The following CHMP2B variants were observed in gnomAD, a reference collection of about 807,000 sequenced individuals.
The protein encoded by CHMP2B is VPS2 homolog B.
In CHMP2B, 22 loss-of-function variants were observed where a neutral mutation model predicts 29.8. The ratio of observed to expected loss-of-function variants is 0.74; its 90% CI spans 0.53 to 1.05. The LOEUF is 1.05. CHMP2B is among the 50% of genes least tolerant of loss of function. CHMP2B has a pLI of 0.00. For missense variants in CHMP2B, 261 were observed against 252.2 expected (o/e 1.03, Z -0.24); for synonymous variants, 78 against 75.8 (o/e 1.03, Z -0.15).
intron 1 of CHMP2B, among the ~76,000 whole-genome samples, chr3:87,236,465 G>A (rs1706013455): frequency 6.6e-6 from 1 of 152,100 alleles, no homozygotes; most frequent in Admixed American, 6.5e-5. Flanking sequence ...ACTTTCAGCA[G>A]TTGCTGTGCA....
chr3:87,251,281 G>GT (rs1706309725), intron 4 of CHMP2B, among the ~76,000 whole-genome samples: 1 of 151,866 alleles, frequency 6.6e-6, no homozygotes, highest in Non-Finnish European at 1.5e-5. Flanking sequence ...AAAACTATGA[G>GT]TTTTTTCAGG....
chr3:87,247,499 G>C (rs1484191705), intron 3 of CHMP2B, among the ~76,000 whole-genome samples: 2 of 152,156 alleles, frequency 1.3e-5, no homozygotes, highest in Non-Finnish European at 2.9e-5. Flanking sequence ...GTAAACTATG[G>C]AAAGGACACT....
At position 87,248,255 on chromosome 3, in the gene CHMP2B, G is replaced by A. The variant is rs551820275; in HGVS notation, c.322-1620G>A. On this transcript the variant is annotated intron_variant, in intron 3 of 5. Transcript: ENST00000263780. ...AGAGGTTGCAGTGAGCTGAGATCAC[G>A]CCACTGCACTCCAGCCTGGGTGACA... 7.9e-5 allele frequency among the ~76,000 whole-genome samples: 12 copies of A among 151,760 alleles called. No homozygotes were observed. The South Asian group carries it at 2.5e-3, about 32-fold the overall frequency.
At chr3:87,246,802 A>G (rs979675973) in intron 3 of CHMP2B, among the ~76,000 whole-genome samples, 1 of 152,214 alleles carries the variant, frequency 6.6e-6, no homozygotes, top group African/African-American at 2.4e-5. Flanking sequence ...AGTCATCAAA[A>G]GAGGTTAAGA....
intron 4 of CHMP2B, among the ~76,000 whole-genome samples, chr3:87,251,904 A>G (rs1706319538): frequency 6.6e-6 from 1 of 150,868 alleles, no homozygotes; most frequent in Non-Finnish European, 1.5e-5. Context: ...CATGACCTGG[A>G]CTTTGCATCT....
At chr3:87,242,741 A>T (rs1360310486) in intron 2 of CHMP2B, among the ~76,000 whole-genome samples, 1 of 152,114 alleles carries the variant, frequency 6.6e-6, no homozygotes, top group Non-Finnish European at 1.5e-5. Context: ...TCTTTGTGGA[A>T]AATCAGTTGT....
intron 4 of CHMP2B, among the ~76,000 whole-genome samples, chr3:87,250,831 G>C (rs1160764667): frequency 6.6e-6 from 1 of 151,754 alleles, no homozygotes; most frequent in East Asian, 1.9e-4. Flanking sequence ...TTATAAGGCT[G>C]TTGGTTTGTA....
intron 2 of CHMP2B, among the ~76,000 whole-genome samples, chr3:87,245,485 C>T (rs1706194440): frequency 6.7e-6 from 1 of 148,150 alleles, no homozygotes; most frequent in Non-Finnish European, 1.5e-5. Context: ...TGTAGACTTG[C>T]TTTGTATTCA....
intron 4 of CHMP2B, among the ~76,000 whole-genome samples, chr3:87,251,074 C>A (rs2106914256): frequency 6.6e-6 from 1 of 151,944 alleles, no homozygotes; most frequent in East Asian, 1.9e-4. Flanking sequence ...TGCTTATCTG[C>A]TATCATTTTA....
At chr3:87,249,491 A>G (rs529257301) in intron 3 of CHMP2B, among the ~76,000 whole-genome samples, 10 of 152,208 alleles carry the variant, frequency 6.6e-5, no homozygotes, top group East Asian at 3.9e-4. Flanking sequence ...TAATTTAGAC[A>G]TTAAAATTTT....
chr3:87,238,493 T>C (rs1706055846), intron 1 of CHMP2B, among the ~76,000 whole-genome samples: 1 of 152,184 alleles, frequency 6.6e-6, no homozygotes, highest in Non-Finnish European at 1.5e-5. Context: ...CCCTGCCATA[T>C]ACCAATTTGT....
intron 3 of CHMP2B, 97 bp downstream of exon 3, chr3:87,246,005 A>G (rs909239804): frequency 5.4e-6 from 5 of 927,398 alleles, no homozygotes; most frequent in African/African-American, 5.0e-5. Flanking sequence ...CCTGGTGTAT[A>G]TGTGATACAA....
rs1705824569 is a variant in CHMP2B at position 87,227,310 on chromosome 3, T to A, written c.-213T>A. The A allele has an allele frequency of 1.6e-6, 1 of 609,728 alleles. No individual in the cohort carries two copies. The highest frequency in any genetic ancestry group is 2.9e-6 in the Non-Finnish European group (1 of 341,514). 37.8% of individuals were successfully genotyped at this position (609,728 alleles called of 1,614,324 possible). On this transcript the variant is annotated 5_prime_UTR_variant, in exon 1 of 6. Transcript: ENST00000263780. ...AGAAGTGACTTCTCCAAAAAGTGTG[T>A]TAGTTCCCGGTCACCTGAGCTCCGG... is the stretch of plus-strand genomic sequence containing the variant.
rs139527905 is a variant in CHMP2B at position 87,239,067 on chromosome 3, C to A, written c.35-1632C>A. On this transcript the variant is annotated intron_variant, in intron 1 of 5. Coordinates refer to ENST00000263780, the MANE Select transcript of CHMP2B (RefSeq NM_014043.4). The stretch of plus-strand genomic sequence containing the variant: ...ATGTGTTCATTGGCCATTTGTGTAT[C>A]TTCTTTGGCAAAACGTCTGTTCAAG... Among the ~76,000 whole-genome samples, 1,125 of 152,134 alleles carry A rather than the reference C, an allele frequency of 7.4e-3. 8 individuals are homozygous for A. Among genetic ancestry groups the A allele is most frequent in the Middle Eastern group, 0.034 (10 of 292 alleles).
chr3:87,239,470 T>C (rs1440194001), intron 1 of CHMP2B, among the ~76,000 whole-genome samples: 1 of 152,172 alleles, frequency 6.6e-6, no homozygotes, highest in African/African-American at 2.4e-5. Flanking sequence ...TTCTTTTTCA[T>C]GTGGATGTCC....
Position 87,227,332 on chromosome 3 carries a change from CCGGGTGACGCGGCTGCGGTAGCTG to C in CHMP2B, c.-187_-164del. 3.1e-6 allele frequency: 2 copies of C among 642,446 alleles called. No homozygotes were observed. Among genetic ancestry groups the C allele is most frequent in the Non-Finnish European group, 5.6e-6 (2 of 358,242 alleles). 39.8% of individuals were successfully genotyped at this position (642,446 alleles called of 1,614,324 possible). A position where few individuals can be genotyped will look rare whatever the true frequency, so the allele number is the denominator to read the frequency against. ...GTGTTAGTTCCCGGTCACCTGAGCT[CCGGGTGACGCGGCTGCGGTAGCTG>C]CGGATACAAGCCTTCCGCGGGTCCT... On this transcript the variant is annotated 5_prime_UTR_variant, in exon 1 of 6. Transcript: ENST00000263780.
chr3:87,242,420 C>A (rs1706135243), intron 2 of CHMP2B, among the ~76,000 whole-genome samples: 1 of 151,984 alleles, frequency 6.6e-6, no homozygotes, highest in South Asian at 2.1e-4. Flanking sequence ...GATCTTCTGT[C>A]TACTTGTCAC....
intron 3 of CHMP2B, among the ~76,000 whole-genome samples, chr3:87,249,612 A>G (rs1368933441): frequency 5.3e-5 from 8 of 152,056 alleles, no homozygotes; most frequent in African/African-American, 1.9e-4. Flanking sequence ...TTTTATGCTG[A>G]TAATGTTTTT....
At chr3:87,231,191 CAA>C (rs1330195437) in intron 1 of CHMP2B, among the ~76,000 whole-genome samples, 1 of 152,002 alleles carries the variant, frequency 6.6e-6, no homozygotes, top group East Asian at 1.9e-4. Flanking sequence ...GCCAGATATC[CAA>C]CAATTTGCTG....
Sources: gnomAD v4.1 joint callset for allele counts (sites outside exome capture counted in the v4.1 genomes callset) on GRCh38, gnomAD v4.1.1 for gene constraint, MANE v1.5 for transcripts, NCBI Gene and HGNC (gene_info 2026-07-23, HGNC 2026-07-21) for gene names.